Variants in EPPK1 observed in about 807,000 individuals in gnomAD.
EPPK1 encodes epiplakin 1, also known as epiplakin.
For missense variants in EPPK1, 3,823 were observed against 3,673.3 expected, an observed-to-expected ratio of 1.04 and a Z score of -1.05; for synonymous variants, 1,862 against 1,721.2, an observed-to-expected ratio of 1.08 and a Z score of -2.03.
chr8:143,865,977 T>G lies in EPPK1; in HGVS notation c.7277A>C (p.Gln2426Pro). 1.5e-5 allele frequency: 2 copies of G among 131,770 alleles called. No individual in the cohort carries two copies. Among genetic ancestry groups the G allele is most frequent in the Non-Finnish European group, 2.5e-5 (2 of 81,012 alleles). The allele number at this position is 131,770 out of a possible 1,614,324, so 8.2% of individuals were successfully genotyped here. The change falls in exon 2 of 2, where the codon CAG becomes CCG. Residue 2426 changes from glutamine to proline, a missense_variant. Transcript: ENST00000615648. ...GGCACAGCGCAGCTCCTCGCTCAGC[T>G]GGTGCACGGCGGAGCCCCGGCCTGC... ...QLAGRGSAVH[Q>P]LSEELRCALR... is the part of the protein sequence containing the mutation.
rs1819247130 is a variant in EPPK1, at chr8:143,869,162, A to G, written c.4092T>C (p.Gly1364=). The stretch of plus-strand genomic sequence containing the variant: ...GCACCCCGTGGACAGGGTCCACCAC[A>G]CCCCCTGTGGCCAGCTGCACCTGCA... ...PLLQVQLATG[G]VVDPVHGVHL... Residue 1364 remains glycine, a synonymous_variant, in exon 2 of 2, where the codon GGT becomes GGC. Coordinates refer to ENST00000615648, the MANE Select transcript of EPPK1 (RefSeq NM_031308.4). 6.2e-7 allele frequency: 1 copy of G among 1,606,056 alleles called. No homozygotes were observed. Among genetic ancestry groups the G allele is most frequent in the African/African-American group, 1.3e-5 (1 of 74,548 alleles).
At chr8:143,877,867 C>G (rs1417376918) in intron 1 of EPPK1, among the ~76,000 whole-genome samples, 1 of 152,048 alleles carries the variant, frequency 6.6e-6, no homozygotes, top group Non-Finnish European at 1.5e-5. Flanking sequence ...GCCCTTCCTG[C>G]CTCTGCCTCC....
intron 1 of EPPK1, among the ~76,000 whole-genome samples, chr8:143,873,551 G>A (rs1819424277): frequency 6.6e-6 from 1 of 152,048 alleles, no homozygotes; most frequent in African/African-American, 2.4e-5. Context: ...GGACTCCAGG[G>A]CTGTCCCTCC....
chr8:143,871,199 C>T lies in EPPK1; in HGVS notation c.2055G>A (p.Glu685=). ...GGTCAGTGTAGCCAGTGACAGCGCGCTCAGCCGACAGCAGCTTCGCGAACA... is the reference window on the plus strand; with the variant it reads ...GGTCAGTGTAGCCAGTGACAGCGCGTTCAGCCGACAGCAGCTTCGCGAACA... ...PDVFAKLLSA[E]RAVTGYTDPY... is the part of the protein sequence containing the mutation. The change falls in exon 2 of 2, where the codon GAG becomes GAA. Residue 685 remains glutamate (E), a synonymous_variant. Transcript: ENST00000615648. 1.2e-6 allele frequency: 2 copies of T among 1,613,224 alleles called. No homozygotes were observed. The highest frequency in any genetic ancestry group is 4.5e-5 in the East Asian group (2 of 44,874).
At position 143,869,727 on chromosome 8, in the gene EPPK1, AGCAGCTGTG is replaced by A. The variant is rs1554660486; in HGVS notation, c.3518_3526del (p.Pro1173_Leu1175del). On this transcript the variant is annotated inframe_deletion, in exon 2 of 2. Transcript: ENST00000615648. Reference sequence around the variant, plus strand: ...CTGTACCCACCTCTGCACAGAGGCTAGCAGCTGTGGCACAGTGGTCCTCCCCTCCTGCAC... The same window carrying A: ...CTGTACCCACCTCTGCACAGAGGCTAGCACAGTGGTCCTCCCCTCCTGCAC... The A allele has an allele frequency of 1.3e-6, 2 of 1,599,808 alleles. No homozygotes were observed. Among genetic ancestry groups the A allele is most frequent in the Non-Finnish European group, 1.7e-6 (2 of 1,174,174 alleles).
chr8:143,868,535 A>G lies in EPPK1; in HGVS notation c.4719T>C (p.Ile1573=). 1 of 1,606,280 alleles carries G rather than the reference A, an allele frequency of 6.2e-7. No homozygotes were observed. The highest frequency in any genetic ancestry group is 1.7e-5 in the Admixed American group (1 of 59,036). The change falls in exon 2 of 2, where the codon ATT becomes ATC. Residue 1573 remains isoleucine, a synonymous_variant. Coordinates refer to ENST00000615648, the MANE Select transcript of EPPK1 (RefSeq NM_031308.4). ...VKRSLEGGNF[I]AGVLIQGTQE... The stretch of plus-strand genomic sequence containing the variant: ...GGGTGCCCTGGATAAGGACCCCGGC[A>G]ATGAAGTTGCCTCCCTCCAGGGACC...
intron 1 of EPPK1, among the ~76,000 whole-genome samples, chr8:143,874,004 G>C (rs541529692): frequency 6.6e-6 from 1 of 152,166 alleles, no homozygotes; most frequent in Admixed American, 6.5e-5. Flanking sequence ...TCACATCTGC[G>C]AGCACCACGG....
chr8:143,873,320 A>T (rs1554661944), intron 1 of EPPK1, 22 bp from the exon 2 acceptor site: 19 of 1,424,990 alleles, frequency 1.3e-5, no homozygotes, highest in Non-Finnish European at 1.6e-5. Context: ...AGAAAGGCTC[A>T]ATCAGGGACC....
chr8:143,869,305 G>T lies in EPPK1; in HGVS notation c.3949C>A (p.Leu1317Ile). 6.2e-7 allele frequency: 1 copy of T among 1,605,416 alleles called. No individual in the cohort carries two copies. ...GCCGCCGCCCTCTCGGCCTGCCCGA[G>T]CTGCTCACTCAGCTCCCTGCCCACC... ...GLVGRELSEQ[L>I]GQAERAAAGY... The change falls in exon 2 of 2, where the codon CTC (leucine) becomes ATC (isoleucine). Residue 1317 changes from leucine (L) to isoleucine (I), a missense_variant. Coordinates refer to ENST00000615648, the MANE Select transcript of EPPK1 (RefSeq NM_031308.4).
At chr8:143,878,497 G>C (rs1471416891), upstream of EPPK1, 1 of 142,766 alleles carries the variant, frequency 7.0e-6, no homozygotes, top group Non-Finnish European at 1.5e-5. Context: ...CGCATTTCAA[G>C]CCCCACAGGC....
chr8:143,878,413 G>GCCGCACCCGC (rs1819529950), intron 1 of EPPK1, 25 bp downstream of exon 1: 1 of 92,146 alleles, frequency 1.1e-5, no homozygotes, highest in Non-Finnish European at 2.3e-5. Context: ...CGCCGCACCC[G>GCCGCACCCGC]CCGCACCCGC....
chr8:143,867,962 T>G lies in EPPK1; in HGVS notation c.5292A>C (p.Glu1764Asp). 2.5e-6 allele frequency: 4 copies of G among 1,613,684 alleles called. No individual in the cohort carries two copies. Among genetic ancestry groups the G allele is most frequent in the Non-Finnish European group, 3.4e-6 (4 of 1,179,982 alleles). ...TGGCCTCATTGATGTACACGTAGTT[T>G]TCTCCTTTCTTTATGATTTGTAGCA... Reference protein sequence around the residue: ...LYLLQIIKKGENYVYINEATR... With the variant: ...LYLLQIIKKGDNYVYINEATR... The change falls in exon 2 of 2, where the codon GAA becomes GAC. Residue 1764 changes from glutamate to aspartate, a missense_variant. Physicochemically the swap from Glu to Asp is conservative, Grantham distance 45. Transcript: ENST00000615648.
chr8:143,868,509 T>C lies in EPPK1; in HGVS notation c.4745A>G (p.Gln1582Arg). 6.2e-7 allele frequency: 1 copy of C among 1,609,494 alleles called. No homozygotes were observed. Among genetic ancestry groups the C allele is most frequent in the South Asian group, 1.1e-5 (1 of 90,674 alleles). ...GGCCTCTGGGATGCTCATCCTCTCCTGGGTGCCCTGGATAAGGACCCCGGC... is the reference window on the plus strand; with the variant it reads ...GGCCTCTGGGATGCTCATCCTCTCCCGGGTGCCCTGGATAAGGACCCCGGC... The part of the protein sequence containing the change: ...FIAGVLIQGT[Q>R]ERMSIPEALR... The change falls in exon 2 of 2, where the codon CAG (glutamine) becomes CGG (arginine). Residue 1582 changes from glutamine to arginine, a missense_variant. Gln to Arg is a conservative substitution (Grantham distance 43). Coordinates refer to ENST00000615648, the MANE Select transcript of EPPK1 (RefSeq NM_031308.4).
At chr8:143,875,957 CCCACTGA>C in intron 1 of EPPK1, among the ~76,000 whole-genome samples, 1 of 152,176 alleles carries the variant, frequency 6.6e-6, no homozygotes, top group Admixed American at 6.5e-5. Context: ...CCCCCCACCC[CCCACTGA>C]CCTATGATGG....
At position 143,866,823 on chromosome 8, in the gene EPPK1, C is replaced by A. The variant is rs548952593; in HGVS notation, c.6431G>T (p.Arg2144Ile). 1 of 1,613,432 alleles carries A rather than the reference C, an allele frequency of 6.2e-7. No individual in the cohort carries two copies. ...EKKLQLVRMY[R>I]THTRRALQTV... is the part of the protein sequence containing the mutation. ...CTGCAGTGCCCGTCTGGTGTGTGTT[C>A]TATACATCCTCACCAGCTGGAGCTT... The change falls in exon 2 of 2, where the codon AGA becomes ATA. Residue 2144 changes from arginine (R) to isoleucine (I), a missense_variant. Arg to Ile is a moderately conservative substitution (Grantham distance 97, BLOSUM62 -3). Coordinates refer to ENST00000615648, the MANE Select transcript of EPPK1 (RefSeq NM_031308.4).
Position 143,869,705 on chromosome 8 carries a change from T to C in EPPK1, c.3549A>G (p.Val1183=), listed in dbSNP as rs1819272405. 1 of 1,596,274 alleles carries C rather than the reference T, an allele frequency of 6.3e-7. No individual in the cohort carries two copies. The highest frequency in any genetic ancestry group is 8.5e-7 in the Non-Finnish European group (1 of 1,172,476). ...PQLLASVQRW[V]QETKLLAQAR... ...CCTGGGCCAGGAGCTTGGTCTCCTG[T>C]ACCCACCTCTGCACAGAGGCTAGCA... Residue 1183 remains valine (V), a synonymous_variant, in exon 2 of 2, where the codon GTA becomes GTG. Transcript: ENST00000615648.
rs782769363 is a variant in EPPK1, at chr8:143,873,167, C to A, written c.87G>T (p.Thr29=). The A allele has an allele frequency of 1.3e-6, 2 of 1,594,078 alleles. No homozygotes were observed. The highest frequency in any genetic ancestry group is 1.7e-6 in the Non-Finnish European group (2 of 1,172,642). ...QASVPRAMAA[T]LGAGTPPRPQ... ...GCCTGGGGGGCGTGCCGGCTCCCAG[C>A]GTGGCTGCCATGGCTCTGGGTACAC... Residue 29 remains threonine, a synonymous_variant, in exon 2 of 2, where the codon ACG becomes ACT. Coordinates refer to ENST00000615648, the MANE Select transcript of EPPK1 (RefSeq NM_031308.4).
rs1819101790 is a variant in EPPK1, at chr8:143,866,278, G to T, written c.6976C>A (p.Gln2326Lys). ...TGCTCCCGGACGATGAGGTCCTTCT[G>T]CATGGCCTGGAAGAGGGAGATCTGC... is the stretch of plus-strand genomic sequence containing the variant. ...GQQISLFQAMQKDLIVREHGI... is the reference protein window; with the variant it reads ...GQQISLFQAMKKDLIVREHGI... The change falls in exon 2 of 2, where the codon CAG becomes AAG. Residue 2326 changes from glutamine (Q) to lysine (K), a missense_variant. Physicochemically the swap from Gln to Lys is moderately conservative, Grantham distance 53. Coordinates refer to ENST00000615648, the MANE Select transcript of EPPK1 (RefSeq NM_031308.4). 2.0e-6 allele frequency: 1 copy of T among 498,246 alleles called. No homozygotes were observed. The highest frequency in any genetic ancestry group is 3.3e-6 in the Non-Finnish European group (1 of 300,674). 30.9% of individuals were successfully genotyped at this position (498,246 alleles called of 1,614,324 possible).
Position 143,857,758 on chromosome 8 carries a change from G to A in EPPK1, c.*229C>T, listed in dbSNP as rs1008883320. On this transcript the variant is annotated 3_prime_UTR_variant, in exon 2 of 2. Transcript: ENST00000615648. ...AAAGGAGAGAAAAGTAAAACCATAT[G>A]ACACATAGACGACCCAGAAAACACA... 2.2e-6 allele frequency: 1 copy of A among 454,122 alleles called. No homozygotes were observed. Among genetic ancestry groups the A allele is most frequent in the Non-Finnish European group, 3.8e-6 (1 of 261,182 alleles). The allele number at this position is 454,122 out of a possible 1,614,324, so 28.1% of individuals were successfully genotyped here.
Sources: allele counts gnomAD v4.1 joint callset (sites outside exome capture counted in the v4.1 genomes callset), GRCh38; gene constraint gnomAD v4.1.1; transcripts MANE v1.5; gene names NCBI Gene and HGNC (gene_info 2026-07-23, HGNC 2026-07-21).